The following PLXNA4 variants were observed in gnomAD, a reference collection of about 807,000 sequenced individuals.
PLXNA4 encodes plexin-A4.
A neutral mutation model predicts 191.8 loss-of-function variants in PLXNA4; 44 were observed. That is an observed-to-expected ratio of 0.23 (90% CI 0.18 to 0.29). The LOEUF is 0.29. Among genes scored for constraint, PLXNA4 ranks in the 10% least tolerant of loss-of-function variants. The pLI is 1.00. For synonymous variants in PLXNA4, 1,082 were observed against 1,009.5 expected, an observed-to-expected ratio of 1.07 and a Z score of -1.36; for missense variants, 1,800 against 2,488.8, an observed-to-expected ratio of 0.72 and a Z score of 5.89.
intron 25 of PLXNA4, among the ~76,000 whole-genome samples, chr7:132,152,097 T>C (rs1405293486): frequency 2.6e-5 from 4 of 152,208 alleles, no homozygotes; most frequent in Non-Finnish European, 4.4e-5. Flanking sequence ...CTCAGCTTTC[T>C]GGAGCGCTCT....
At chr7:132,521,213 C>T (rs1054404493) in intron 1 of PLXNA4, among the ~76,000 whole-genome samples, 15 of 145,364 alleles carry the variant, frequency 1.0e-4, no homozygotes, top group Non-Finnish European at 1.5e-4. Flanking sequence ...TTCAGAATGA[C>T]GGCAACAAAG....
At chr7:132,142,359 G>A (rs1795295387) in intron 29 of PLXNA4, among the ~76,000 whole-genome samples, 1 of 152,144 alleles carries the variant, frequency 6.6e-6, no homozygotes, top group Non-Finnish European at 1.5e-5. Flanking sequence ...TGTTTTGGTG[G>A]TTGTTCTCAC....
intron 3 of PLXNA4, among the ~76,000 whole-genome samples, chr7:132,310,230 T>C (rs1252781320): frequency 6.6e-6 from 1 of 152,234 alleles, no homozygotes; most frequent in Non-Finnish European, 1.5e-5. Context: ...AGGTGAATTG[T>C]GAAATGCTCT....
chr7:132,265,756 A>C (rs907397634), intron 4 of PLXNA4, among the ~76,000 whole-genome samples: 34 of 152,310 alleles, frequency 2.2e-4, no homozygotes, highest in African/African-American at 7.5e-4. Flanking sequence ...GGTACCGTGC[A>C]CTATGACCCT....
At chr7:132,327,602 T>C (rs752485219) in intron 3 of PLXNA4, among the ~76,000 whole-genome samples, 3 of 152,144 alleles carry the variant, frequency 2.0e-5, no homozygotes, top group Admixed American at 1.3e-4. Flanking sequence ...CGGACACCCA[T>C]GCAAAATATG....
intron 30 of PLXNA4, among the ~76,000 whole-genome samples, chr7:132,137,207 T>C (rs763178504): frequency 2.0e-5 from 3 of 152,224 alleles, no homozygotes; most frequent in African/African-American, 4.8e-5. Flanking sequence ...CATATTTAAA[T>C]ATTTAAAATT....
chr7:132,323,184 C>T (rs966591190), intron 3 of PLXNA4, among the ~76,000 whole-genome samples: 1 of 152,200 alleles, frequency 6.6e-6, no homozygotes, highest in Non-Finnish European at 1.5e-5. Context: ...CTCCCCACCA[C>T]CAGGCCTTAA....
intron 3 of PLXNA4, among the ~76,000 whole-genome samples, chr7:132,424,825 G>C (rs11977118): frequency 0.038 from 5,727 of 152,242 alleles, 349 homozygotes; most frequent in African/African-American, 0.13. Context: ...AAAAAACGAG[G>C]TTCTGCTAGC....
At chr7:132,487,432 T>C (rs755663677) in intron 3 of PLXNA4, among the ~76,000 whole-genome samples, 26 of 152,230 alleles carry the variant, frequency 1.7e-4, no homozygotes, top group Admixed American at 2.0e-4. Flanking sequence ...CAGGTCTCAG[T>C]GCATGAATTG....
chr7:132,324,574 A>G (rs1802290961), intron 3 of PLXNA4, among the ~76,000 whole-genome samples: 1 of 152,216 alleles, frequency 6.6e-6, no homozygotes. Context: ...GTTAAAATGT[A>G]AAACTGAGAT....
chr7:132,247,102 G>A (rs1407473308), intron 4 of PLXNA4, among the ~76,000 whole-genome samples: 1 of 152,098 alleles, frequency 6.6e-6, no homozygotes, highest in African/African-American at 2.4e-5. Context: ...CTGATATTTC[G>A]AAAGATGCTT....
At chr7:132,564,297 C>T (rs561435931) in intron 1 of PLXNA4, among the ~76,000 whole-genome samples, 5 of 142,622 alleles carry the variant, frequency 3.5e-5, no homozygotes, top group Non-Finnish European at 6.1e-5. Flanking sequence ...CCTTCTGCTG[C>T]TCCTCCTCCT....
intron 3 of PLXNA4, among the ~76,000 whole-genome samples, chr7:132,476,558 G>A (rs1408109461): frequency 6.6e-6 from 1 of 152,186 alleles, no homozygotes; most frequent in Non-Finnish European, 1.5e-5. Context: ...ACGGAGGCAT[G>A]TGAGCTTGTT....
intron 3 of PLXNA4, among the ~76,000 whole-genome samples, chr7:132,306,505 C>A (rs897000286): frequency 6.6e-6 from 1 of 152,150 alleles, no homozygotes; most frequent in African/African-American, 2.4e-5. Context: ...CAGGAGGGAG[C>A]AAACTGTGAG....
At chr7:132,428,978 A>G (rs1473147115) in intron 3 of PLXNA4, among the ~76,000 whole-genome samples, 4 of 152,098 alleles carry the variant, frequency 2.6e-5, no homozygotes, top group African/African-American at 9.7e-5. Flanking sequence ...GAGAGTGGGA[A>G]GGACAAAGGC....
intron 3 of PLXNA4, among the ~76,000 whole-genome samples, chr7:132,320,689 A>G (rs1802126323): frequency 1.3e-5 from 2 of 152,084 alleles, no homozygotes; most frequent in South Asian, 2.1e-4. Context: ...GGTGGATGCC[A>G]TATTGGAAGA....
At chr7:132,310,575 C>A (rs1801689043) in intron 3 of PLXNA4, among the ~76,000 whole-genome samples, 1 of 152,216 alleles carries the variant, frequency 6.6e-6, no homozygotes, top group South Asian at 2.1e-4. Context: ...CTCTTTCTAG[C>A]ACTAAGGGCA....
chr7:132,267,670 T>A (rs1224045377), intron 4 of PLXNA4, among the ~76,000 whole-genome samples: 1 of 152,192 alleles, frequency 6.6e-6, no homozygotes, highest in Non-Finnish European at 1.5e-5. Context: ...TGATATGGAA[T>A]CTCAGCTCTT....
chr7:132,543,564 G>T (rs545990660), intron 1 of PLXNA4, among the ~76,000 whole-genome samples: 1 of 152,274 alleles, frequency 6.6e-6, no homozygotes, highest in South Asian at 2.1e-4. Flanking sequence ...GAATTAGCTA[G>T]TCTGCCTTTA....
Sources: allele counts gnomAD v4.1 joint callset (sites outside exome capture counted in the v4.1 genomes callset), GRCh38; gene constraint gnomAD v4.1.1; transcripts MANE v1.5; gene names NCBI Gene and HGNC (gene_info 2026-07-23, HGNC 2026-07-21).